ITGB6: variants seen among roughly 807,000 people sequenced by gnomAD.
The protein encoded by ITGB6 is integrin beta-6.
Under a neutral mutation model 84.5 loss-of-function variants are expected in ITGB6, and 80 were observed. The observed-to-expected ratio is 0.95, with a 90% CI of 0.79 to 1.14. The LOEUF is 1.14. Ranked by LOEUF, ITGB6 falls within the 50% of genes most tolerant of loss-of-function variation. The probability of loss-of-function intolerance (pLI) is 0.00; values close to 1 mark genes in which losing one functional copy is unlikely to be tolerated. For missense variants in ITGB6, 1,006 were observed against 968.0 expected (o/e 1.04, Z -0.52); for synonymous variants, 383 against 354.9 (o/e 1.08, Z -0.89).
chr2:160,103,125 CT>C (rs1696786218), intron 14 of ITGB6, among the ~76,000 whole-genome samples: 3 of 152,100 alleles, frequency 2.0e-5, no homozygotes, highest in Admixed American at 1.3e-4. Flanking sequence ...AAATCTTATA[CT>C]TTGATCACCT....
chr2:160,192,837 A>C lies in ITGB6; in HGVS notation c.593+2532T>G, dbSNP rs766001124. 3.3e-5 allele frequency among the ~76,000 whole-genome samples: 5 copies of C among 152,188 alleles called. No homozygotes were observed. The South Asian group carries it at 1.0e-3, about 31-fold the overall frequency. Reference sequence around the variant, plus strand: ...AAAAAAATGGGCAAAAGATTTGAAAAGAAACCACAAAATAAGAAATAAGAA... The same window carrying C: ...AAAAAAATGGGCAAAAGATTTGAAACGAAACCACAAAATAAGAAATAAGAA... On this transcript the variant is annotated intron_variant, in intron 4 of 14. Coordinates refer to ENST00000283249, the MANE Select transcript of ITGB6 (RefSeq NM_000888.5).
At chr2:160,182,804 C>T (rs998617593) in intron 4 of ITGB6, among the ~76,000 whole-genome samples, 5 of 152,226 alleles carry the variant, frequency 3.3e-5, no homozygotes, top group African/African-American at 9.7e-5. Flanking sequence ...TCTGCAGAAA[C>T]CCTACAAGCC....
At chr2:160,133,239 CA>C (rs1397262930) in intron 10 of ITGB6, among the ~76,000 whole-genome samples, 1 of 151,344 alleles carries the variant, frequency 6.6e-6, no homozygotes, top group Non-Finnish European at 1.5e-5. Context: ...AAACGGAAAA[CA>C]AAAAAAGGCA....
At chr2:160,152,862 T>C (rs1252806924) in intron 7 of ITGB6, among the ~76,000 whole-genome samples, 1 of 151,738 alleles carries the variant, frequency 6.6e-6, no homozygotes, top group East Asian at 1.9e-4. Flanking sequence ...CTACAAAGAG[T>C]ATAAAATACC....
At chr2:160,135,519 C>A (rs1222721906) in intron 10 of ITGB6, among the ~76,000 whole-genome samples, 1 of 151,882 alleles carries the variant, frequency 6.6e-6, no homozygotes. Context: ...CATCAAGCTA[C>A]CAATGACTTT....
chr2:160,150,152 T>C (rs150892665), intron 7 of ITGB6, among the ~76,000 whole-genome samples: 2 of 152,216 alleles, frequency 1.3e-5, no homozygotes, highest in African/African-American at 4.8e-5. Flanking sequence ...AGACACATAA[T>C]TGTCAGATTC....
At chr2:160,132,765 A>G (rs1478252066) in intron 10 of ITGB6, among the ~76,000 whole-genome samples, 1 of 152,192 alleles carries the variant, frequency 6.6e-6, no homozygotes, top group South Asian at 2.1e-4. Context: ...CAATAGTCAT[A>G]TACAATATAT....
chr2:160,158,824 G>C (rs192504722), intron 7 of ITGB6, among the ~76,000 whole-genome samples: 130 of 152,310 alleles, frequency 8.5e-4, no homozygotes, highest in African/African-American at 2.9e-3. Context: ...TTCTTGGCTG[G>C]GCACGGTGGC....
chr2:160,141,141 T>C (rs1362846729), intron 8 of ITGB6, among the ~76,000 whole-genome samples: 1 of 152,198 alleles, frequency 6.6e-6, no homozygotes, highest in Non-Finnish European at 1.5e-5. Flanking sequence ...ACATAGTTGC[T>C]GTTTACAGTA....
rs3951227 is a variant in ITGB6 at position 160,135,745 on chromosome 2, T to A, written c.1660+1689A>T. ...AACAGAACAGAGCCCTCAGAAATAA[T>A]GCCACATATCTACAACTATCTGATC... On this transcript the variant is annotated intron_variant, in intron 10 of 14. Coordinates refer to ENST00000283249, the MANE Select transcript of ITGB6 (RefSeq NM_000888.5). Among the ~76,000 whole-genome samples the A allele has an allele frequency of 4.2e-4, 64 of 151,228 alleles. No homozygotes were observed. In the South Asian group the frequency reaches 6.5e-3, roughly 15 times the overall value.
intron 7 of ITGB6, among the ~76,000 whole-genome samples, chr2:160,163,203 A>C (rs1319357207): frequency 6.6e-6 from 1 of 152,168 alleles, no homozygotes; most frequent in Non-Finnish European, 1.5e-5. Flanking sequence ...CTGTTCATCC[A>C]AATTAACAGC....
chr2:160,161,288 T>G (rs71423046), intron 7 of ITGB6, among the ~76,000 whole-genome samples: 6,812 of 152,270 alleles, frequency 0.045, 191 homozygotes, highest in Middle Eastern at 0.1. Flanking sequence ...TTGTATGCCT[T>G]TATAAGATTA....
At chr2:160,150,781 C>CA (rs552941538) in intron 7 of ITGB6, among the ~76,000 whole-genome samples, 2,754 of 150,796 alleles carry the variant, frequency 0.018, 33 homozygotes, top group Non-Finnish European at 0.028. Context: ...AAATGGAAAG[C>CA]AAAAAAAAGC....
At chr2:160,174,289 G>T (rs796481049) in intron 4 of ITGB6, 150 bp from the exon 5 acceptor site, 6 of 623,834 alleles carry the variant, frequency 9.6e-6, no homozygotes, top group Admixed American at 6.6e-5. Context: ...TCACTGTTAA[G>T]GTTGTTGACA....
Position 160,112,126 on chromosome 2 carries a change from A to G in ITGB6, c.2055T>C (p.Thr685=). The G allele has an allele frequency of 6.2e-7, 1 of 1,612,590 alleles. No homozygotes were observed. Among genetic ancestry groups the G allele is most frequent in the Non-Finnish European group, 8.5e-7 (1 of 1,179,122 alleles). The part of the protein sequence containing the change: ...ENECLITFLI[T]TDNEGKTIIH... The stretch of plus-strand genomic sequence containing the variant: ...TGATGGTTTTCCCCTCATTATCTGT[A>G]GTTATTAGGAATGTAATAAGACATT... Residue 685 remains threonine, a synonymous_variant, in exon 13 of 15, where the codon ACT becomes ACC. Transcript: ENST00000283249.
rs564229506 is a variant in ITGB6, at chr2:160,180,551, G to A, written c.594-6412C>T. ...GGGTTTGGTGTGGTTTTTGAAGGGTGGTGCACAGACCCATGAGGGTCCCTG... is the reference window on the plus strand; with the variant it reads ...GGGTTTGGTGTGGTTTTTGAAGGGTAGTGCACAGACCCATGAGGGTCCCTG... On this transcript the variant is annotated intron_variant, in intron 4 of 14. Coordinates refer to ENST00000283249, the MANE Select transcript of ITGB6 (RefSeq NM_000888.5). Among the ~76,000 whole-genome samples, 4 of 152,292 alleles carry A rather than the reference G, an allele frequency of 2.6e-5. No individual in the cohort carries two copies. The East Asian group carries it at 7.7e-4, about 29-fold the overall frequency.
chr2:160,172,558 A>G lies in ITGB6; in HGVS notation c.921+11T>C, dbSNP rs1685249031. ...TAGCCCTGAAAACAGTACAGAGTGCAGGTTACACACCAAGACAGTTGACAT... is the reference window on the plus strand; with the variant it reads ...TAGCCCTGAAAACAGTACAGAGTGCGGGTTACACACCAAGACAGTTGACAT... On this transcript the variant is annotated intron_variant, in intron 6 of 14. Coordinates refer to ENST00000283249, the MANE Select transcript of ITGB6 (RefSeq NM_000888.5). 1.3e-6 allele frequency: 2 copies of G among 1,585,548 alleles called. No homozygotes were observed. The highest frequency in any genetic ancestry group is 1.7e-5 in the Admixed American group (1 of 59,714).
chr2:160,123,423 G>A (rs1683117453), intron 12 of ITGB6, among the ~76,000 whole-genome samples: 2 of 152,080 alleles, frequency 1.3e-5, no homozygotes, highest in African/African-American at 4.8e-5. Flanking sequence ...TAAAGCAATT[G>A]GATGATAAAG....
At chr2:160,128,653 G>A (rs1175786374) in intron 10 of ITGB6, among the ~76,000 whole-genome samples, 3 of 152,124 alleles carry the variant, frequency 2.0e-5, no homozygotes, top group African/African-American at 4.8e-5. Flanking sequence ...GGTGCCAGGC[G>A]GAGGGTTGAG....
Sources: allele counts gnomAD v4.1 joint callset (sites outside exome capture counted in the v4.1 genomes callset), GRCh38; gene constraint gnomAD v4.1.1; transcripts MANE v1.5; gene names NCBI Gene and HGNC (gene_info 2026-07-23, HGNC 2026-07-21).